The following KRT25 variants were observed in gnomAD, a reference collection of about 807,000 sequenced individuals.
KRT25 encodes keratin, type I cytoskeletal 25.
KRT25 carries 37 observed loss-of-function variants against 47.6 expected under a neutral mutation model. The ratio of observed to expected loss-of-function variants is 0.78; its 90% CI spans 0.60 to 1.02. KRT25 has a LOEUF of 1.02. Among genes scored for constraint, KRT25 ranks in the 50% least tolerant of loss-of-function variants. KRT25 has a pLI of 0.00. For synonymous variants in KRT25, 203 were observed against 210.2 expected, an observed-to-expected ratio of 0.97 and a Z score of 0.30; for missense variants, 542 against 550.3, an observed-to-expected ratio of 0.98 and a Z score of 0.15.
In KRT25 at chr17:40,755,224, G is replaced by A. The variant is rs758441232; in HGVS notation, c.48C>T (p.Pro16=). The change falls in exon 1 of 8, where the codon CCC becomes CCT. Residue 16 remains proline (P), a synonymous_variant. Coordinates refer to ENST00000312150, the MANE Select transcript of KRT25 (RefSeq NM_181534.4). ...CATAGAGTCTGAGTGATCCAGTGGT[G>A]GGACGAGGACAGGACCTCCTGGATG... ...SSASRRSCPR[P]TTGSLRLYGG... 3.1e-5 allele frequency: 50 copies of A among 1,614,178 alleles called. No individual in the cohort carries two copies. In the East Asian group the frequency reaches 1.0e-3, roughly 34 times the overall value.
Position 40,754,427 on chromosome 17 carries a change from C to G in KRT25, c.471G>C (p.Gln157His). Residue 157 changes from glutamine (Q) to histidine (H), a missense_variant, in exon 2 of 8, where the codon CAG becomes CAC. Coordinates refer to ENST00000312150, the MANE Select transcript of KRT25 (RefSeq NM_181534.4). ...CAGCTGTAAGCCTGGCATTATCGAT[C>G]TGCAGAACAGCATTAGCATTGCTGG... Reference protein sequence around the residue: ...STTSNANAVLQIDNARLTADD... With the variant: ...STTSNANAVLHIDNARLTADD... 1 of 1,614,060 alleles carries G rather than the reference C, an allele frequency of 6.2e-7. No homozygotes were observed. The highest frequency in any genetic ancestry group is 8.5e-7 in the Non-Finnish European group (1 of 1,179,958).
intron 6 of KRT25, among the ~76,000 whole-genome samples, chr17:40,749,974 A>G (rs896976244): frequency 1.3e-5 from 2 of 152,176 alleles, no homozygotes; most frequent in Admixed American, 6.5e-5. Context: ...TGAATTCAGG[A>G]AGCTTCCTGC....
chr17:40,750,664 G>C, intron 5 of KRT25, 67 bp from the exon 6 acceptor site: 1 of 1,594,016 alleles, frequency 6.3e-7, no homozygotes, highest in Non-Finnish European at 8.6e-7. Flanking sequence ...TTTGATACAT[G>C]ATTTTCTCCT....
chr17:40,754,424 G>T lies in KRT25; in HGVS notation c.474C>A (p.Ile158=), dbSNP rs146092638. 1.2e-6 allele frequency: 2 copies of T among 1,613,896 alleles called. No individual in the cohort carries two copies. The highest frequency in any genetic ancestry group is 1.1e-5 in the South Asian group (1 of 91,056). ...TTSNANAVLQ[I]DNARLTADDF... is the part of the protein sequence containing the mutation. Reference sequence around the variant, plus strand: ...CATCAGCTGTAAGCCTGGCATTATCGATCTGCAGAACAGCATTAGCATTGC... The same window carrying T: ...CATCAGCTGTAAGCCTGGCATTATCTATCTGCAGAACAGCATTAGCATTGC... The change falls in exon 2 of 8, where the codon ATC becomes ATA. Residue 158 remains isoleucine (I), a synonymous_variant. Coordinates refer to ENST00000312150, the MANE Select transcript of KRT25 (RefSeq NM_181534.4).
chr17:40,754,718 C>CAAAAA (rs33924883), intron 1 of KRT25, 125 bp downstream of exon 1: 356 of 605,662 alleles, frequency 5.9e-4, no homozygotes, highest in African/African-American at 2.9e-3. Flanking sequence ...AACTCCTTCT[C>CAAAAA]AAAAAAAAAA....
rs1045978170 is a variant in KRT25 at position 40,753,989 on chromosome 17, C to G, written c.540G>C (p.Gln180His). 1 of 1,614,076 alleles carries G rather than the reference C, an allele frequency of 6.2e-7. No homozygotes were observed. The highest frequency in any genetic ancestry group is 1.1e-5 in the South Asian group (1 of 91,082). ...LKYENELALHQSVEADVNGLR... is the reference protein window; with the variant it reads ...LKYENELALHHSVEADVNGLR... The stretch of plus-strand genomic sequence containing the variant: ...ACCCATTGACATCAGCCTCTACACT[C>G]TGGTGAAGAGCCAGCTCATTTTCAT... The change falls in exon 3 of 8, where the codon CAG becomes CAC. Residue 180 changes from glutamine to histidine, a missense_variant. Gln to His is a conservative substitution (Grantham distance 24). Coordinates refer to ENST00000312150, the MANE Select transcript of KRT25 (RefSeq NM_181534.4).
chr17:40,755,482 G>T, upstream of KRT25: 1 of 548,376 alleles, frequency 1.8e-6, no homozygotes, highest in East Asian at 3.1e-5. Context: ...ACTTTGCTGG[G>T]CTCATTCCTG....
upstream of KRT25, chr17:40,755,334 T>G (rs2038097772): frequency 3.3e-5 from 49 of 1,502,148 alleles, no homozygotes; most frequent in Non-Finnish European, 4.4e-5. Context: ...TGCCTTCTTG[T>G]CTAAAAGGTT....
chr17:40,752,469 C>G (rs1186471928), intron 3 of KRT25, among the ~76,000 whole-genome samples: 2 of 152,158 alleles, frequency 1.3e-5, no homozygotes, highest in African/African-American at 4.8e-5. Context: ...GCAGCGAGCC[C>G]CTCAGCCATT....
Position 40,755,151 on chromosome 17 carries a change from T to C in KRT25, c.121A>G (p.Ile41Val), listed in dbSNP as rs1386845653. ...AAGGCACTAGAGAAGCCACTTCCAA[T>C]CCCTGAAATGCCACAAGAATTTCCA... is the stretch of plus-strand genomic sequence containing the variant. ...GTGNSCGISGIGSGFSSAFGG... is the reference protein window; with the variant it reads ...GTGNSCGISGVGSGFSSAFGG... The change falls in exon 1 of 8, where the codon ATT (isoleucine) becomes GTT (valine). Residue 41 changes from isoleucine (I) to valine (V), a missense_variant. Transcript: ENST00000312150. 2 of 1,614,044 alleles carry C rather than the reference T, an allele frequency of 1.2e-6. No homozygotes were observed. The highest frequency in any genetic ancestry group is 2.7e-5 in the African/African-American group (2 of 74,884).
In KRT25 at chr17:40,750,869, A is replaced by G. The variant is rs185344077; in HGVS notation, c.957+85T>C. 1.4e-4 allele frequency: 207 copies of G among 1,481,018 alleles called. 1 individual carries two copies. In the East Asian group the frequency reaches 3.4e-3, roughly 25 times the overall value. The allele number at this position is 1,481,018 out of a possible 1,614,324, so 91.7% of individuals were successfully genotyped here. On this transcript the variant is annotated intron_variant, in intron 5 of 7. Coordinates refer to ENST00000312150, the MANE Select transcript of KRT25 (RefSeq NM_181534.4). ...GACAATTATAAACAAATATATTTCA[A>G]TATTGTTAAGGTTTTTAAAACCAGC...
chr17:40,749,426 A>C, intron 6 of KRT25, 101 bp from the exon 7 acceptor site: 1 of 857,826 alleles, frequency 1.2e-6, no homozygotes. Flanking sequence ...CAACTGTGTA[A>C]CCCAGTATTT....
chr17:40,754,895 A>G lies in KRT25; in HGVS notation c.377T>C (p.Leu126Pro). 6.2e-7 allele frequency: 1 copy of G among 1,614,192 alleles called. No individual in the cohort carries two copies. Among genetic ancestry groups the G allele is most frequent in the Non-Finnish European group, 8.5e-7 (1 of 1,180,036 alleles). Residue 126 changes from leucine to proline, a missense_variant, in exon 1 of 8, where the codon CTT becomes CCT. By Grantham distance (98) the Leu-to-Pro change is moderately conservative (BLOSUM62 -3). Transcript: ENST00000312150. Reference sequence around the variant, plus strand: ...GAAATATCTGCTATAGTCATGATCAAGACCACGGCAAGAGCCAGGCCCAAA... The same window carrying G: ...GAAATATCTGCTATAGTCATGATCAGGACCACGGCAAGAGCCAGGCCCAAA... ...EKFGPGSCRGLDHDYSRYFPI... is the reference protein window; with the variant it reads ...EKFGPGSCRGPDHDYSRYFPI...
intron 3 of KRT25, 42 bp downstream of exon 3, chr17:40,753,818 T>C (rs760474930): frequency 1.3e-6 from 2 of 1,538,888 alleles, no homozygotes; most frequent in South Asian, 2.2e-5. Flanking sequence ...AGGTGCACAG[T>C]GTCTGCGGAG....
chr17:40,754,421 A>G lies in KRT25; in HGVS notation c.477T>C (p.Asp159=). ...AATCATCAGCTGTAAGCCTGGCATT[A>G]TCGATCTGCAGAACAGCATTAGCAT... ...TSNANAVLQI[D]NARLTADDFR... The change falls in exon 2 of 8, where the codon GAT becomes GAC. Residue 159 remains aspartate (D), a synonymous_variant. Coordinates refer to ENST00000312150, the MANE Select transcript of KRT25 (RefSeq NM_181534.4). 6.2e-7 allele frequency: 1 copy of G among 1,614,096 alleles called. No homozygotes were observed. Among genetic ancestry groups the G allele is most frequent in the Non-Finnish European group, 8.5e-7 (1 of 1,179,940 alleles).
Position 40,755,282 on chromosome 17 carries a change from C to T in KRT25, c.-11G>A. On this transcript the variant is annotated 5_prime_UTR_variant, in exon 1 of 8. Coordinates refer to ENST00000312150, the MANE Select transcript of KRT25 (RefSeq NM_181534.4). ...AAGTCGAAGAGACATGGTATCAGGGCAAACGCGTTGCAGAGCTGTATTTGT... is the reference window on the plus strand; with the variant it reads ...AAGTCGAAGAGACATGGTATCAGGGTAAACGCGTTGCAGAGCTGTATTTGT... 1 of 1,607,826 alleles carries T rather than the reference C, an allele frequency of 6.2e-7. No homozygotes were observed. The highest frequency in any genetic ancestry group is 8.5e-7 in the Non-Finnish European group (1 of 1,176,908).
In KRT25 at chr17:40,751,148, T is replaced by G; in HGVS notation, c.831+17A>C. ...ACCAGTAACATGCAAAGGGACCGTT[T>G]TCTGGAGGAGAGTCACCTTCTCGTT... On this transcript the variant is annotated intron_variant, in intron 4 of 7. Coordinates refer to ENST00000312150, the MANE Select transcript of KRT25 (RefSeq NM_181534.4). 2 of 1,614,114 alleles carry G rather than the reference T, an allele frequency of 1.2e-6. No individual in the cohort carries two copies. Among genetic ancestry groups the G allele is most frequent in the East Asian group, 4.5e-5 (2 of 44,878 alleles).
intron 3 of KRT25, 83 bp from the exon 4 acceptor site, chr17:40,751,409 G>A: frequency 7.0e-7 from 1 of 1,436,764 alleles, no homozygotes; most frequent in Non-Finnish European, 9.2e-7. Context: ...GGCACTTAGA[G>A]TTCGTCTGGT....
rs1359258344 is a variant in KRT25, at chr17:40,753,967, C to G, written c.562G>C (p.Gly188Arg). 6.2e-7 allele frequency: 1 copy of G among 1,613,928 alleles called. No homozygotes were observed. The highest frequency in any genetic ancestry group is 2.2e-5 in the East Asian group (1 of 44,882). Residue 188 changes from glycine to arginine, a missense_variant, in exon 3 of 8, where the codon GGG becomes CGG. By Grantham distance (125) the Gly-to-Arg change is moderately radical. Transcript: ENST00000312150. ...LHQSVEADVN[G>R]LRRVLDEITL... ...ATTTCATCCAAAACTCTTCGTAACC[C>G]ATTGACATCAGCCTCTACACTCTGG...
Sources: allele counts gnomAD v4.1 joint callset (sites outside exome capture counted in the v4.1 genomes callset), GRCh38; gene constraint gnomAD v4.1.1; transcripts MANE v1.5; gene names NCBI Gene and HGNC (gene_info 2026-07-23, HGNC 2026-07-21).